HORMAD2: variants seen among roughly 807,000 people sequenced by gnomAD.
HORMAD2 encodes HORMA domain-containing protein 2.
Under a neutral mutation model 38.8 loss-of-function variants are expected in HORMAD2, and 45 were observed. The observed-to-expected ratio is 1.16, with a 90% confidence interval of 0.91 to 1.49. HORMAD2 has a LOEUF of 1.49. HORMAD2 is among the 40% of genes most tolerant of loss of function. The probability of loss-of-function intolerance (pLI) is 0.00; values close to 1 mark genes in which losing one functional copy is unlikely to be tolerated. For missense variants in HORMAD2, 338 were observed against 367.0 expected, an observed-to-expected ratio of 0.92 and a Z score of 0.65; for synonymous variants, 126 against 122.8, an observed-to-expected ratio of 1.03 and a Z score of -0.17.
the HORMAD2 span, among the ~76,000 whole-genome samples, chr22:30,203,652 C>T: frequency 6.6e-6 from 1 of 152,098 alleles, no homozygotes; most frequent in Non-Finnish European, 1.5e-5. Flanking sequence ...GCACACATAC[C>T]CACATACATA....
At chr22:30,127,714 T>C (rs1335877913) in intron 10 of HORMAD2, among the ~76,000 whole-genome samples, 2 of 152,220 alleles carry the variant, frequency 1.3e-5, no homozygotes, top group South Asian at 4.1e-4. Context: ...CATAAATGTA[T>C]AGACATGAAT....
the HORMAD2 span, among the ~76,000 whole-genome samples, chr22:30,205,890 A>G: frequency 1.3e-5 from 2 of 152,116 alleles, no homozygotes; most frequent in East Asian, 3.9e-4. Context: ...CGAAATCCCA[A>G]AGCAGGGCAG....
At chr22:30,136,361 G>A (rs1236465965) in intron 10 of HORMAD2, among the ~76,000 whole-genome samples, 1 of 151,806 alleles carries the variant, frequency 6.6e-6, no homozygotes, top group East Asian at 1.9e-4. Flanking sequence ...ATGGTTTTTA[G>A]TTATAGTCAC....
the HORMAD2 span, among the ~76,000 whole-genome samples, chr22:30,203,261 G>A: frequency 2.0e-5 from 3 of 152,010 alleles, no homozygotes; most frequent in Non-Finnish European, 2.9e-5. Context: ...TGGGAGTGGC[G>A]GCGCATGCCT....
At chr22:30,139,706 G>T (rs1923941994) in intron 10 of HORMAD2, among the ~76,000 whole-genome samples, 1 of 151,904 alleles carries the variant, frequency 6.6e-6, no homozygotes, top group Non-Finnish European at 1.5e-5. Context: ...TCATCATTAG[G>T]TATGGGTTTT....
intron 10 of HORMAD2, among the ~76,000 whole-genome samples, chr22:30,144,893 C>T (rs112471406): frequency 3.5e-4 from 53 of 152,150 alleles, no homozygotes; most frequent in African/African-American, 1.2e-3. Flanking sequence ...AAAATACTAA[C>T]GTTCTTTTCC....
chr22:30,164,712 C>T (rs1336942695), intron 10 of HORMAD2, among the ~76,000 whole-genome samples: 1 of 152,004 alleles, frequency 6.6e-6, no homozygotes, highest in Non-Finnish European at 1.5e-5. Flanking sequence ...CAGGCTGGTC[C>T]CAAACTCCTG....
chr22:30,132,095 TCTGAA>T (rs1282406229), intron 10 of HORMAD2, among the ~76,000 whole-genome samples: 1 of 152,212 alleles, frequency 6.6e-6, no homozygotes, highest in African/African-American at 2.4e-5. Context: ...CCCACTAAAC[TCTGAA>T]CTGAAGTTTT....
At chr22:30,164,776 GA>G (rs1228835006) in intron 10 of HORMAD2, among the ~76,000 whole-genome samples, 1 of 152,140 alleles carries the variant, frequency 6.6e-6, no homozygotes, top group African/African-American at 2.4e-5. Context: ...TTACAAGTGT[GA>G]GCCACCATAC....
At chr22:30,181,925 G>A (rs1926737462), downstream of HORMAD2, among the ~76,000 whole-genome samples, 3 of 152,248 alleles carry the variant, frequency 2.0e-5, no homozygotes, top group Admixed American at 2.0e-4. Flanking sequence ...TGTGCAAGAT[G>A]TCCATTCGGA....
intron 10 of HORMAD2, among the ~76,000 whole-genome samples, chr22:30,171,769 A>G (rs1292317917): frequency 6.6e-6 from 1 of 152,136 alleles, no homozygotes; most frequent in Non-Finnish European, 1.5e-5. Flanking sequence ...GACCTAACTT[A>G]TGTGGGATGG....
At chr22:30,135,984 AT>A (rs1393447580) in intron 10 of HORMAD2, among the ~76,000 whole-genome samples, 1 of 152,204 alleles carries the variant, frequency 6.6e-6, no homozygotes, top group African/African-American at 2.4e-5. Flanking sequence ...AAGCCCAGAA[AT>A]TTCAGCAATG....
chr22:30,113,410 T>C (rs5763782), intron 7 of HORMAD2, among the ~76,000 whole-genome samples: 10,939 of 151,986 alleles, frequency 0.072, 683 homozygotes, highest in South Asian at 0.23. Flanking sequence ...TTTTAATTTT[T>C]ATATTTTTAG....
At position 30,172,531 on chromosome 22, in the gene HORMAD2, A is replaced by G. The variant is rs181837037; in HGVS notation, c.820-3532A>G. Among the ~76,000 whole-genome samples, 28 of 152,272 alleles carry G rather than the reference A, an allele frequency of 1.8e-4. No homozygotes were observed. The East Asian group carries it at 5.4e-3, about 29-fold the overall frequency. ...TAAAATCAGTTTCATTTGTGTGTTC[A>G]TTCATTCAGCCAATAATTAAAGAGC... On this transcript the variant is annotated intron_variant, in intron 10 of 10. Coordinates refer to ENST00000336726, the MANE Select transcript of HORMAD2 (RefSeq NM_152510.4).
At chr22:30,165,148 A>G (rs1224369765) in intron 10 of HORMAD2, among the ~76,000 whole-genome samples, 1 of 152,126 alleles carries the variant, frequency 6.6e-6, no homozygotes, top group Non-Finnish European at 1.5e-5. Flanking sequence ...TTGCATATGG[A>G]TATTCCATTT....
At chr22:30,078,286 A>G (rs943522043), upstream of HORMAD2, among the ~76,000 whole-genome samples, 23 of 152,112 alleles carry the variant, frequency 1.5e-4, no homozygotes, top group African/African-American at 5.3e-4. Flanking sequence ...TGATAGAGAG[A>G]AAAAAACAAA....
At chr22:30,138,189 T>A (rs923602865) in intron 10 of HORMAD2, among the ~76,000 whole-genome samples, 1 of 152,178 alleles carries the variant, frequency 6.6e-6, no homozygotes, top group Non-Finnish European at 1.5e-5. Flanking sequence ...TTCATGTGCT[T>A]CTTATCCATT....
At chr22:30,171,780 A>G (rs1926125107) in intron 10 of HORMAD2, among the ~76,000 whole-genome samples, 1 of 152,164 alleles carries the variant, frequency 6.6e-6, no homozygotes, top group South Asian at 2.1e-4. Context: ...TGTGGGATGG[A>G]GAGAATTTCT....
chr22:30,122,341 A>T (rs982592778), intron 10 of HORMAD2, 127 bp downstream of exon 10: 1 of 781,638 alleles, frequency 1.3e-6, no homozygotes, highest in Non-Finnish European at 1.9e-6. Context: ...AGTCTCTGAC[A>T]TCAAGGAGTT....
Sources: allele counts gnomAD v4.1 joint callset (sites outside exome capture counted in the v4.1 genomes callset), GRCh38; gene constraint gnomAD v4.1.1; transcripts MANE v1.5; gene names NCBI Gene and HGNC (gene_info 2026-07-23, HGNC 2026-07-21).